TUBGCP6: variants seen among roughly 807,000 people sequenced by gnomAD.
The protein encoded by TUBGCP6 is gamma-tubulin complex component 6.
A neutral mutation model predicts 175.8 loss-of-function variants in TUBGCP6; 161 were observed. The ratio of observed to expected loss-of-function variants is 0.92; its 90% CI spans 0.81 to 1.04. The LOEUF (loss-of-function observed/expected upper bound fraction) is 1.04. Ranked by LOEUF, TUBGCP6 falls within the 50% of genes least tolerant of loss-of-function variation. TUBGCP6 has a pLI of 0.00. For missense variants in TUBGCP6, 2,572 were observed against 2,433.0 expected (o/e 1.06, Z -1.20); for synonymous variants, 1,173 against 1,030.5 (o/e 1.14, Z -2.65).
rs936296358 is a variant in TUBGCP6, at chr22:50,240,343, C to A, written c.766G>T (p.Glu256Ter). Reference protein sequence around the residue: ...IKVPPSVDQWEDEGFQSASNL... With the variant: ...IKVPPSVDQW ...GACGCTGACTGGAATCCTTCGTCTT[C>A]CCACTGATCCACACTCGGTGGGACC... The change falls in exon 2 of 25, where the codon GAA becomes TAA. Residue 256 changes from glutamate (E) to a stop codon, truncating the protein, a stop_gained. Coordinates refer to ENST00000248846, the MANE Select transcript of TUBGCP6 (RefSeq NM_020461.4). LOFTEE classifies it high-confidence loss of function. 6.2e-7 allele frequency: 1 copy of A among 1,613,860 alleles called. No individual in the cohort carries two copies. Among genetic ancestry groups the A allele is most frequent in the Admixed American group, 1.7e-5 (1 of 59,994 alleles).
chr22:50,240,068 G>A lies in TUBGCP6; in HGVS notation c.905+136C>T. 3 of 1,210,972 alleles carry A rather than the reference G, an allele frequency of 2.5e-6. No individual in the cohort carries two copies. In the South Asian group the frequency reaches 4.0e-5, roughly 16 times the overall value. 75.0% of individuals were successfully genotyped at this position (1,210,972 alleles called of 1,614,324 possible). A position where few individuals can be genotyped will look rare whatever the true frequency, so the allele number is the denominator to read the frequency against. On this transcript the variant is annotated intron_variant, in intron 2 of 24. Transcript: ENST00000248846. ...TAACTCCCAGGACTCAGTCAATTTT[G>A]GACACTAGCTTAGGTTACTAACCCA...
intron 4 of TUBGCP6, 135 bp from the exon 5 acceptor site, chr22:50,228,163 C>T (rs983293234): frequency 1.0e-5 from 11 of 1,075,548 alleles, no homozygotes; most frequent in Middle Eastern, 6.3e-4. Flanking sequence ...AAGCAATGGG[C>T]CTCTGTGAGC....
At position 50,222,545 on chromosome 22, in the gene TUBGCP6, C is replaced by G. The variant is rs139125978; in HGVS notation, c.2318G>C (p.Arg773Pro). 2 of 1,613,270 alleles carry G rather than the reference C, an allele frequency of 1.2e-6. No individual in the cohort carries two copies. Among genetic ancestry groups the G allele is most frequent in the African/African-American group, 1.3e-5 (1 of 74,938 alleles). ...HYSKLSAEAA[R>P]REQKALWRIQ... ...TCTCCACAGTGCCTTCTGCTCCCGA[C>G]GAGCTGCCTCTGCAGAGAGCTTGCT... Residue 773 changes from arginine (R) to proline (P), a missense_variant, in exon 14 of 25, where the codon CGT becomes CCT. Transcript: ENST00000248846.
At chr22:50,231,244 A>G (rs989572739) in intron 3 of TUBGCP6, among the ~76,000 whole-genome samples, 6 of 133,574 alleles carry the variant, frequency 4.5e-5, no homozygotes, top group Non-Finnish European at 1.0e-4. Context: ...ACTTGAGGTC[A>G]GGAGTTTGAG....
rs1298929746 is a variant in TUBGCP6, at chr22:50,217,842, G to T, written c.5369-15C>A. Reference sequence around the variant, plus strand: ...CTTGGTCACCACTGGGGACCAGCGAGCAGCTCAGGCTTTTGCCCACAGTGT... The same window carrying T: ...CTTGGTCACCACTGGGGACCAGCGATCAGCTCAGGCTTTTGCCCACAGTGT... On this transcript the variant is annotated splice_polypyrimidine_tract_variant and intron_variant, in intron 24 of 24. Coordinates refer to ENST00000248846, the MANE Select transcript of TUBGCP6 (RefSeq NM_020461.4). 6.2e-7 allele frequency: 1 copy of T among 1,613,340 alleles called. No individual in the cohort carries two copies. Among genetic ancestry groups the T allele is most frequent in the Non-Finnish European group, 8.5e-7 (1 of 1,179,740 alleles).
intron 16 of TUBGCP6, 97 bp downstream of exon 16, chr22:50,220,154 G>C (rs1384437675): frequency 2.6e-6 from 4 of 1,549,004 alleles, no homozygotes; most frequent in Non-Finnish European, 3.5e-6. Context: ...GAGGCCTGAG[G>C]GGAACTTCAC....
chr22:50,234,818 C>A (rs1426596818), intron 2 of TUBGCP6, among the ~76,000 whole-genome samples: 1 of 147,166 alleles, frequency 6.8e-6, no homozygotes, highest in African/African-American at 2.6e-5. Context: ...TCATCCACAC[C>A]CCCTGTCCAC....
chr22:50,223,916 C>T (rs2064566115), intron 13 of TUBGCP6: 3 of 564,470 alleles, frequency 5.3e-6, no homozygotes, highest in Admixed American at 3.0e-5. Flanking sequence ...CTCGCCTGGA[C>T]CCTAATCCAT....
At position 50,226,054 on chromosome 22, in the gene TUBGCP6, G is replaced by A. The variant is rs557715113; in HGVS notation, c.1829C>T (p.Pro610Leu). The change falls in exon 9 of 25, where the codon CCC becomes CTC. Residue 610 changes from proline to leucine, a missense_variant. By Grantham distance (98) the Pro-to-Leu change is moderately conservative. Transcript: ENST00000248846. Reference protein sequence around the residue: ...KTINLLKLCCPRHYLCWSDVP... With the variant: ...KTINLLKLCCLRHYLCWSDVP... ...CACACATGAGCCCCTCCTCACCCGG[G>A]GGCAGCAGAGCTTCAGCAGGTTAAT... 7 of 1,614,120 alleles carry A rather than the reference G, an allele frequency of 4.3e-6. No individual in the cohort carries two copies. The highest frequency in any genetic ancestry group is 4.0e-5 in the African/African-American group (3 of 75,038).
rs556431806 is a variant in TUBGCP6 at position 50,221,209 on chromosome 22, C to G, written c.3150G>C (p.Trp1050Cys). The change falls in exon 16 of 25, where the codon TGG (tryptophan) becomes TGC (cysteine). Residue 1050 changes from tryptophan to cysteine, a missense_variant. Physicochemically the swap from Trp to Cys is radical, Grantham distance 215 (BLOSUM62 -2). Transcript: ENST00000248846. ...CGTCAGACACGTGCCCGTGGGTGTT[C>G]CACCGTGGCCGGGTGGGAGCTATTT... The part of the protein sequence containing the change: ...ASEIAPTRPR[W>C]NTHGHVSDAS... 152 of 1,614,170 alleles carry G rather than the reference C, an allele frequency of 9.4e-5. 1 individual carries two copies. In the South Asian group the frequency reaches 1.5e-3, roughly 16 times the overall value.
chr22:50,228,053 G>C, intron 4 of TUBGCP6, 25 bp from the exon 5 acceptor site: 1 of 1,516,028 alleles, frequency 6.6e-7, no homozygotes, highest in Non-Finnish European at 8.9e-7. Context: ...GCTGGGAGGA[G>C]GGCGGCCAGG....
At position 50,219,845 on chromosome 22, in the gene TUBGCP6, C is replaced by G. The variant is rs2272854; in HGVS notation, c.4168-54G>C. 0.4 allele frequency: 644,627 copies of G among 1,603,048 alleles called. 129,907 individuals are homozygous for G. The highest frequency in any genetic ancestry group is 0.42 in the African/African-American group (31,446 of 74,788). The stretch of plus-strand genomic sequence containing the variant: ...TCCCCACTGCACGCTGTCCCCACAA[C>G]CAGCTTGTGCCAAAAAAAGGAAAAT... On this transcript the variant is annotated intron_variant, in intron 17 of 24. Coordinates refer to ENST00000248846, the MANE Select transcript of TUBGCP6 (RefSeq NM_020461.4).
chr22:50,233,779 G>C (rs1392545779), intron 2 of TUBGCP6, among the ~76,000 whole-genome samples: 1 of 152,112 alleles, frequency 6.6e-6, no homozygotes, highest in African/African-American at 2.4e-5. Context: ...ACCTTCCTGG[G>C]GTCCTGGGCA....
rs748812430 is a variant in TUBGCP6 at position 50,226,039 on chromosome 22, C to T, written c.1833+11G>A. 295 of 1,613,874 alleles carry T rather than the reference C, an allele frequency of 1.8e-4. No homozygotes were observed. Among genetic ancestry groups the T allele is most frequent in the Admixed American group, 7.5e-4 (45 of 60,002 alleles). The stretch of plus-strand genomic sequence containing the variant: ...GGCCCCTCTCTTCCCCACACATGAG[C>T]CCCTCCTCACCCGGGGGCAGCAGAG... On this transcript the variant is annotated intron_variant, in intron 9 of 24. Coordinates refer to ENST00000248846, the MANE Select transcript of TUBGCP6 (RefSeq NM_020461.4).
rs1378596105 is a variant in TUBGCP6, at chr22:50,244,921, G to C, written c.-462C>G. ...CTGGGGGCTCAGCCGGGTGGGTCCC[G>C]GGTTCTGGCCTGCACGTCCACCCGT... On this transcript the variant is annotated 5_prime_UTR_variant, in exon 1 of 25. Transcript: ENST00000248846. The C allele has an allele frequency of 1.4e-5, 3 of 211,100 alleles. No individual in the cohort carries two copies. The East Asian group carries it at 4.0e-4, about 28-fold the overall frequency. The allele number at this position is 211,100 out of a possible 1,614,324, so 13.1% of individuals were successfully genotyped here. A position where few individuals can be genotyped will look rare whatever the true frequency, so the allele number is the denominator to read the frequency against.
intron 4 of TUBGCP6, among the ~76,000 whole-genome samples, chr22:50,228,523 C>A (rs1456976510): frequency 1.3e-5 from 2 of 152,174 alleles, no homozygotes; most frequent in Non-Finnish European, 2.9e-5. Context: ...GCAGGTCACA[C>A]TAAGACAGGG....
At chr22:50,239,831 T>C (rs1328836893) in intron 2 of TUBGCP6, among the ~76,000 whole-genome samples, 1 of 152,230 alleles carries the variant, frequency 6.6e-6, no homozygotes, top group East Asian at 1.9e-4. Context: ...GGCAGCTCTC[T>C]TGCTCTTAAG....
chr22:50,225,859 A>T lies in TUBGCP6; in HGVS notation c.1918T>A (p.Cys640Ser). ...TCCATGCGCCCAACGTAGACGGCAC[A>T]GTCCTTCTCAATCTCCTTCAACTCC... ...LEELKEIEKD[C>S]AVYVGRMERV... The change falls in exon 10 of 25, where the codon TGT (cysteine) becomes AGT (serine). Residue 640 changes from cysteine (C) to serine (S), a missense_variant. Cys to Ser is a moderately radical substitution (Grantham distance 112). Transcript: ENST00000248846. The T allele has an allele frequency of 6.2e-7, 1 of 1,613,924 alleles. No homozygotes were observed. Among genetic ancestry groups the T allele is most frequent in the Non-Finnish European group, 8.5e-7 (1 of 1,180,002 alleles).
rs1243853277 is a variant in TUBGCP6 at position 50,233,333 on chromosome 22, T to C, written c.1099A>G (p.Thr367Ala). ...GTTCTCACCTGGCAGAGCGAAAACG[T>C]GGCAGACACGACCCCAATCAAGACG... is the stretch of plus-strand genomic sequence containing the variant. ...LNVLIGVVSATFSLCQPAQAF... is the reference protein window; with the variant it reads ...LNVLIGVVSAAFSLCQPAQAF... The change falls in exon 3 of 25, where the codon ACG becomes GCG. Residue 367 changes from threonine (T) to alanine (A), a missense_variant. By Grantham distance (58) the Thr-to-Ala change is moderately conservative. Transcript: ENST00000248846. The C allele has an allele frequency of 6.2e-7, 1 of 1,613,542 alleles. No individual in the cohort carries two copies. Among genetic ancestry groups the C allele is most frequent in the Admixed American group, 1.7e-5 (1 of 59,994 alleles).
Sources: gnomAD v4.1 joint callset for allele counts (sites outside exome capture counted in the v4.1 genomes callset) on GRCh38, gnomAD v4.1.1 for gene constraint, MANE v1.5 for transcripts, NCBI Gene and HGNC (gene_info 2026-07-23, HGNC 2026-07-21) for gene names.